PTBP3: variants seen among roughly 807,000 people sequenced by gnomAD.
PTBP3 encodes polypyrimidine tract binding protein 3.
PTBP3 carries 20 observed loss-of-function variants against 58.7 expected under a neutral mutation model. The ratio of observed to expected loss-of-function variants is 0.34; its 90% CI spans 0.24 to 0.50. The LOEUF is 0.50. Ranked by LOEUF, PTBP3 falls within the 20% of genes least tolerant of loss-of-function variation. PTBP3 has a pLI of 0.98. For synonymous variants in PTBP3, 185 were observed against 219.8 expected (o/e 0.84, Z 1.40); for missense variants, 509 against 637.2 (o/e 0.80, Z 2.17).
chr9:112,248,266 G>A (rs537348762), intron 7 of PTBP3, among the ~76,000 whole-genome samples: 17 of 152,202 alleles, frequency 1.1e-4, no homozygotes, highest in Admixed American at 2.6e-4. Context: ...AAAACTGGGA[G>A]AAACTATTTG....
In PTBP3 at chr9:112,297,877, C is replaced by T; in HGVS notation, c.-12G>A. Reference sequence around the variant, plus strand: ...GTAGAACTATTCATGGTAAAAGGTCCGTTAATGATGCCAGAAGAAAGAAGC... The same window carrying T: ...GTAGAACTATTCATGGTAAAAGGTCTGTTAATGATGCCAGAAGAAAGAAGC... On this transcript the variant is annotated 5_prime_UTR_variant, in exon 2 of 14. Coordinates refer to ENST00000374257, the MANE Select transcript of PTBP3 (RefSeq NM_001163788.4). 5.6e-6 allele frequency: 9 copies of T among 1,612,318 alleles called. No homozygotes were observed. Among genetic ancestry groups the T allele is most frequent in the Admixed American group, 1.7e-5 (1 of 59,824 alleles).
At chr9:112,325,406 G>C (rs145352355) in intron 1 of PTBP3, among the ~76,000 whole-genome samples, 1 of 152,230 alleles carries the variant, frequency 6.6e-6, no homozygotes, top group East Asian at 1.9e-4. Context: ...TTCAACCTGA[G>C]GTGGAAGCCA....
chr9:112,280,511 C>T (rs564437653), intron 2 of PTBP3, among the ~76,000 whole-genome samples: 87 of 152,258 alleles, frequency 5.7e-4, no homozygotes, highest in African/African-American at 1.9e-3. Context: ...TATAATAATG[C>T]TAAGCTGTAG....
chr9:112,283,738 G>A (rs951751916), intron 2 of PTBP3, among the ~76,000 whole-genome samples: 1 of 152,252 alleles, frequency 6.6e-6, no homozygotes, highest in Non-Finnish European at 1.5e-5. Flanking sequence ...GATCCTCACA[G>A]CATCCCCTCC....
the PTBP3 span, among the ~76,000 whole-genome samples, chr9:112,366,505 T>C: frequency 1.3e-5 from 2 of 152,086 alleles, no homozygotes; most frequent in African/African-American, 2.4e-5. Flanking sequence ...GGGGCCAATA[T>C]AGAGCTTGGG....
intron 2 of PTBP3, among the ~76,000 whole-genome samples, chr9:112,286,637 C>T (rs576562762): frequency 7.9e-5 from 12 of 152,004 alleles, no homozygotes; most frequent in East Asian, 1.9e-4. Flanking sequence ...ATGTCATAAC[C>T]GCCAAAAATG....
intron 1 of PTBP3, among the ~76,000 whole-genome samples, chr9:112,307,204 G>A (rs1376663370): frequency 6.6e-6 from 1 of 152,138 alleles, no homozygotes; most frequent in African/African-American, 2.4e-5. Context: ...TGTAATCCCA[G>A]CACTTTGGGA....
intron 2 of PTBP3, among the ~76,000 whole-genome samples, chr9:112,278,372 C>T (rs1250831635): frequency 6.6e-6 from 1 of 152,144 alleles, no homozygotes. Flanking sequence ...GAGAGCTAAA[C>T]AATACCACCA....
At chr9:112,333,667 C>G, upstream of PTBP3, 2 of 539,886 alleles carry the variant, frequency 3.7e-6, no homozygotes, top group Non-Finnish European at 6.2e-6. Flanking sequence ...GCCGCGCCCC[C>G]GCCTTCCCCA....
At chr9:112,337,545 C>T (rs753806581), upstream of PTBP3, among the ~76,000 whole-genome samples, 1 of 152,158 alleles carries the variant, frequency 6.6e-6, no homozygotes, top group Non-Finnish European at 1.5e-5. Flanking sequence ...CCTGGTTTGA[C>T]CTGAAACTGA....
intron 1 of PTBP3, among the ~76,000 whole-genome samples, chr9:112,301,093 A>T (rs927939675): frequency 6.6e-6 from 1 of 152,178 alleles, no homozygotes; most frequent in African/African-American, 2.4e-5. Flanking sequence ...GAATGGAAGA[A>T]AGTATTTACA....
chr9:112,225,973 G>A (rs1357683031), intron 12 of PTBP3, among the ~76,000 whole-genome samples: 1 of 152,116 alleles, frequency 6.6e-6, no homozygotes, highest in Admixed American at 6.5e-5. Flanking sequence ...GAGATTGGGA[G>A]GCAGAGGATG....
intron 1 of PTBP3, among the ~76,000 whole-genome samples, chr9:112,306,352 G>A (rs1338858571): frequency 2.0e-5 from 3 of 150,322 alleles, no homozygotes; most frequent in African/African-American, 4.9e-5. Flanking sequence ...ATTTTGTAGA[G>A]ATGGGGTTTC....
intron 1 of PTBP3, among the ~76,000 whole-genome samples, chr9:112,303,143 T>C (rs964582669): frequency 7.2e-5 from 11 of 152,168 alleles, no homozygotes; most frequent in African/African-American, 2.7e-4. Flanking sequence ...TCCCCTGTCA[T>C]GTAATTTTCT....
At chr9:112,350,443 C>T in the PTBP3 span, among the ~76,000 whole-genome samples, 1 of 152,178 alleles carries the variant, frequency 6.6e-6, no homozygotes. Flanking sequence ...ACAGAGCATT[C>T]TTCCACGCCC....
chr9:112,358,133 C>T, the PTBP3 span, among the ~76,000 whole-genome samples: 1 of 152,024 alleles, frequency 6.6e-6, no homozygotes, highest in Non-Finnish European at 1.5e-5. Context: ...CGTGATGATA[C>T]CCTGTCTCTA....
intron 2 of PTBP3, among the ~76,000 whole-genome samples, chr9:112,293,631 G>T (rs192790047): frequency 4.6e-5 from 7 of 152,260 alleles, no homozygotes; most frequent in Admixed American, 2.0e-4. Flanking sequence ...AACAGAATGA[G>T]AAAAAAGTGC....
intron 1 of PTBP3, among the ~76,000 whole-genome samples, chr9:112,305,926 C>T (rs1439124549): frequency 2.0e-5 from 3 of 151,850 alleles, no homozygotes; most frequent in South Asian, 2.1e-4. Context: ...GGCGACAGAG[C>T]GAGACTCTGT....
chr9:112,250,859 T>A (rs1416468706), intron 7 of PTBP3, 70 bp downstream of exon 7: 2 of 1,384,478 alleles, frequency 1.4e-6, no homozygotes, highest in Admixed American at 5.3e-5. Context: ...CTTATAAACA[T>A]ACATGGCTTA....
Sources: allele counts gnomAD v4.1 joint callset (sites outside exome capture counted in the v4.1 genomes callset), GRCh38; gene constraint gnomAD v4.1.1; transcripts MANE v1.5; gene names NCBI Gene and HGNC (gene_info 2026-07-23, HGNC 2026-07-21).